Variants in ANKRD44 observed in about 807,000 individuals in gnomAD.
ANKRD44 encodes serine/threonine-protein phosphatase 6 regulatory ankyrin repeat subunit B.
Under a neutral mutation model 116.0 loss-of-function variants are expected in ANKRD44, and 35 were observed. The observed-to-expected ratio is 0.30, with a 90% CI of 0.23 to 0.40. The LOEUF (loss-of-function observed/expected upper bound fraction) is 0.40. ANKRD44 is among the 10% of genes least tolerant of loss of function. The pLI is 1.00. For synonymous variants in ANKRD44, 435 were observed against 461.8 expected, an observed-to-expected ratio of 0.94 and a Z score of 0.74; for missense variants, 1,014 against 1,242.6, an observed-to-expected ratio of 0.82 and a Z score of 2.77.
At chr2:197,213,678 G>C (rs2081375512) in intron 1 of ANKRD44, among the ~76,000 whole-genome samples, 1 of 152,154 alleles carries the variant, frequency 6.6e-6, no homozygotes, top group Non-Finnish European at 1.5e-5. Context: ...AATGGAATTG[G>C]ACCTGTACAC....
intron 17 of ANKRD44, chr2:197,015,302 G>T: frequency 4.6e-6 from 2 of 435,316 alleles, no homozygotes; most frequent in Admixed American, 2.9e-5. Context: ...TAGAGGAATA[G>T]AATTTGAGAG....
At chr2:197,286,126 C>T (rs2083401472) in intron 1 of ANKRD44, among the ~76,000 whole-genome samples, 1 of 152,184 alleles carries the variant, frequency 6.6e-6, no homozygotes, top group African/African-American at 2.4e-5. Context: ...ATAAGGGTCC[C>T]CCATGACACT....
intron 1 of ANKRD44, among the ~76,000 whole-genome samples, chr2:197,247,367 G>A (rs542665889): frequency 2.0e-5 from 3 of 152,318 alleles, no homozygotes; most frequent in Admixed American, 6.5e-5. Context: ...ATAGGTTGCT[G>A]AAATATGGCT....
intron 1 of ANKRD44, among the ~76,000 whole-genome samples, chr2:197,188,620 G>C (rs968354352): frequency 6.6e-6 from 1 of 152,186 alleles, no homozygotes; most frequent in African/African-American, 2.4e-5. Context: ...ATCAAATGAG[G>C]TAGTACATGA....
In ANKRD44 at chr2:197,005,828, G is replaced by A. The variant is rs371039552; in HGVS notation, c.2213C>T (p.Thr738Met). 110 of 1,614,258 alleles carry A rather than the reference G, an allele frequency of 6.8e-5. No individual in the cohort carries two copies. The highest frequency in any genetic ancestry group is 8.4e-5 in the Non-Finnish European group (99 of 1,180,048). ...SILCKDSRGR[T>M]PLHYAAARGH... Reference sequence around the variant, plus strand: ...ACGAGCAGCTGCATAGTGCAAGGGCGTCCTCCCTCTGGAATCTTTACAGAG... The same window carrying A: ...ACGAGCAGCTGCATAGTGCAAGGGCATCCTCCCTCTGGAATCTTTACAGAG... Residue 738 changes from threonine to methionine, a missense_variant, in exon 21 of 28, where the codon ACG (threonine) becomes ATG (methionine). Transcript: ENST00000282272.
At chr2:197,206,497 A>AATATGG (rs769553931) in intron 1 of ANKRD44, among the ~76,000 whole-genome samples, 10 of 152,222 alleles carry the variant, frequency 6.6e-5, no homozygotes, top group Non-Finnish European at 1.0e-4. Flanking sequence ...CAGCCTGGCC[A>AATATGG]ATATGGCAAA....
intron 1 of ANKRD44, among the ~76,000 whole-genome samples, chr2:197,269,811 G>A (rs4850780): frequency 0.35 from 52,639 of 152,006 alleles, 10,497 homozygotes; most frequent in East Asian, 0.63. Flanking sequence ...AGGAGGCTTC[G>A]GAGAGACAGT....
In ANKRD44 at chr2:197,299,518, A is replaced by G. The variant is rs1289694483; in HGVS notation, c.27+11060T>C. ...ACTCAGCCATAAAAAGGAATGAAAT[A>G]ATGGCATTTGCAGCAACCTGGATGG... On this transcript the variant is annotated intron_variant, in intron 1 of 27. Transcript: ENST00000282272. 2.6e-5 allele frequency: 4 copies of G among 152,354 alleles called. No individual in the cohort carries two copies. The South Asian group carries it at 8.3e-4, about 32-fold the overall frequency. 9.4% of individuals were successfully genotyped at this position (152,354 alleles called of 1,614,324 possible).
chr2:197,039,256 C>A (rs2076863281), intron 16 of ANKRD44, among the ~76,000 whole-genome samples: 1 of 152,154 alleles, frequency 6.6e-6, no homozygotes, highest in South Asian at 2.1e-4. Flanking sequence ...GGAAAAGGTG[C>A]CAGAGAAAAT....
intron 1 of ANKRD44, among the ~76,000 whole-genome samples, chr2:197,293,727 C>G (rs1384278091): frequency 1.3e-5 from 2 of 152,172 alleles, no homozygotes; most frequent in African/African-American, 4.8e-5. Context: ...AAGATCTTTA[C>G]CCACAGGGGA....
chr2:196,989,482 G>A lies in ANKRD44; in HGVS notation c.*109C>T. ...TTCCATTTTAGACTGAAGCATTTTG[G>A]TCCTCATGTGTAGCTGGCTGATGAA... On this transcript the variant is annotated 3_prime_UTR_variant, in exon 28 of 28. Transcript: ENST00000282272. 1 of 1,331,814 alleles carries A rather than the reference G, an allele frequency of 7.5e-7. No individual in the cohort carries two copies. Among genetic ancestry groups the A allele is most frequent in the Non-Finnish European group, 9.7e-7 (1 of 1,036,008 alleles). The allele number at this position is 1,331,814 out of a possible 1,614,324, so 82.5% of individuals were successfully genotyped here.
chr2:197,111,970 G>A (rs1263001839), intron 8 of ANKRD44, among the ~76,000 whole-genome samples: 1 of 152,052 alleles, frequency 6.6e-6, no homozygotes, highest in Non-Finnish European at 1.5e-5. Context: ...GAAATTTCCT[G>A]ACACAGATTA....
downstream of ANKRD44, among the ~76,000 whole-genome samples, chr2:196,984,703 A>G (rs2125867209): frequency 6.6e-6 from 1 of 152,326 alleles, no homozygotes. Flanking sequence ...TTATGAGAAC[A>G]CAATTAAAAT....
chr2:197,259,646 C>A (rs1345732003), intron 1 of ANKRD44, among the ~76,000 whole-genome samples: 1 of 152,210 alleles, frequency 6.6e-6, no homozygotes, highest in Admixed American at 6.5e-5. Context: ...CAACAGCCAA[C>A]AAGCATATGC....
intron 2 of ANKRD44, among the ~76,000 whole-genome samples, chr2:197,165,543 T>C (rs12693813): frequency 0.91 from 138,962 of 152,220 alleles, 64,720 homozygotes; most frequent in East Asian, 1. Context: ...CTAGGAATAG[T>C]GATTGGGAAC....
At chr2:196,993,472 G>C (rs2075956750) in intron 27 of ANKRD44, 111 bp downstream of exon 27, 1 of 834,260 alleles carries the variant, frequency 1.2e-6, no homozygotes, top group South Asian at 1.6e-5. Flanking sequence ...ACTTCCAAGG[G>C]GGACAGAATT....
intron 16 of ANKRD44, among the ~76,000 whole-genome samples, chr2:197,067,699 A>C (rs1186861106): frequency 8.6e-6 from 1 of 115,964 alleles, no homozygotes; most frequent in African/African-American, 3.4e-5. Context: ...ATCATTAAAA[A>C]GTCAGGAAAC....
chr2:197,170,200 A>AAAAAAAAAAAAAAAC, intron 2 of ANKRD44, among the ~76,000 whole-genome samples: 1 of 137,500 alleles, frequency 7.3e-6, no homozygotes, highest in Non-Finnish European at 1.5e-5. Context: ...CAAAAAAAAA[A>AAAAAAAAAAAAAAAC]AAAAAAAAAA....
At chr2:197,218,334 C>T (rs2081498079) in intron 1 of ANKRD44, among the ~76,000 whole-genome samples, 1 of 152,202 alleles carries the variant, frequency 6.6e-6, no homozygotes, top group Admixed American at 6.5e-5. Flanking sequence ...ACCTACACCC[C>T]TCCATTCTCC....
Sources: allele counts gnomAD v4.1 joint callset (sites outside exome capture counted in the v4.1 genomes callset), GRCh38; gene constraint gnomAD v4.1.1; transcripts MANE v1.5; gene names NCBI Gene and HGNC (gene_info 2026-07-23, HGNC 2026-07-21).